Variants in SGCZ observed in about 807,000 individuals in gnomAD.
SGCZ encodes the protein zeta-sarcoglycan.
SGCZ carries 40 observed loss-of-function variants against 41.3 expected under a neutral mutation model. The observed-to-expected ratio is 0.97, with a 90% CI of 0.75 to 1.26. The LOEUF is 1.26. Among genes scored for constraint, SGCZ ranks in the 50% most tolerant of loss-of-function variants. The pLI is 0.00. For synonymous variants in SGCZ, 206 were observed against 137.5 expected (o/e 1.50, Z -3.49); for missense variants, 552 against 369.8 (o/e 1.49, Z -4.04).
chr8:14,910,734 T>C (rs1322630442), intron 1 of SGCZ, among the ~76,000 whole-genome samples: 1 of 151,944 alleles, frequency 6.6e-6, no homozygotes, highest in Non-Finnish European at 1.5e-5. Flanking sequence ...TATATTTTTA[T>C]TATACCTATT....
chr8:15,183,042 G>T (rs1405935777), intron 1 of SGCZ, among the ~76,000 whole-genome samples: 1 of 152,128 alleles, frequency 6.6e-6, no homozygotes, highest in African/African-American at 2.4e-5. Flanking sequence ...CCCGCATCTT[G>T]TCCCACTGGA....
chr8:15,071,509 C>T (rs531074557), intron 1 of SGCZ, among the ~76,000 whole-genome samples: 1 of 152,286 alleles, frequency 6.6e-6, no homozygotes, highest in African/African-American at 2.4e-5. Context: ...GCCTACTTCA[C>T]AGGGCTATGC....
intron 3 of SGCZ, among the ~76,000 whole-genome samples, chr8:14,256,290 T>G (rs1041945043): frequency 6.6e-6 from 1 of 152,112 alleles, no homozygotes; most frequent in South Asian, 2.1e-4. Context: ...GTATGAGACA[T>G]AGATTTTTGC....
At chr8:14,967,704 T>G (rs1451461754) in intron 1 of SGCZ, among the ~76,000 whole-genome samples, 1 of 152,176 alleles carries the variant, frequency 6.6e-6, no homozygotes, top group East Asian at 1.9e-4. Context: ...TTAATTGAAG[T>G]ATATAAGCCC....
In SGCZ at chr8:14,090,517, C is replaced by G; in HGVS notation, c.865G>C (p.Gly289Arg). ...TVYELCVCPN[G>R]KLYLSPAGVG... Reference sequence around the variant, plus strand: ...CCTGCTGGAGAAAGGTAAAGTTTGCCATTGGGGCAGACGCAGAGTTCATAC... The same window carrying G: ...CCTGCTGGAGAAAGGTAAAGTTTGCGATTGGGGCAGACGCAGAGTTCATAC... The change falls in exon 8 of 8, where the codon GGC becomes CGC. Residue 289 changes from glycine (G) to arginine (R), a missense_variant. Transcript: ENST00000382080. 1 of 1,613,018 alleles carries G rather than the reference C, an allele frequency of 6.2e-7. No homozygotes were observed. The highest frequency in any genetic ancestry group is 1.1e-5 in the South Asian group (1 of 91,028).
chr8:14,442,673 T>A (rs1234530766), intron 2 of SGCZ, among the ~76,000 whole-genome samples: 1 of 152,188 alleles, frequency 6.6e-6, no homozygotes, highest in Non-Finnish European at 1.5e-5. Flanking sequence ...GTGATCTCAG[T>A]GATAAAATGC....
intron 1 of SGCZ, among the ~76,000 whole-genome samples, chr8:14,876,163 C>G (rs1804350452): frequency 6.6e-6 from 1 of 152,124 alleles, no homozygotes; most frequent in African/African-American, 2.4e-5. Context: ...AAAGCACTAT[C>G]TCAAGAGCAC....
chr8:14,436,986 A>T (rs1339920690), intron 2 of SGCZ, among the ~76,000 whole-genome samples: 1 of 152,218 alleles, frequency 6.6e-6, no homozygotes, highest in Non-Finnish European at 1.5e-5. Context: ...TTTAAGCAAA[A>T]GCCAGAATTT....
chr8:14,557,309 T>C (rs1008009809), intron 1 of SGCZ, among the ~76,000 whole-genome samples: 1 of 151,876 alleles, frequency 6.6e-6, no homozygotes, highest in East Asian at 1.9e-4. Context: ...TTTGAGTTCC[T>C]AGTAGATTTT....
chr8:14,764,712 A>G (rs1030213181), intron 1 of SGCZ, among the ~76,000 whole-genome samples: 5 of 152,220 alleles, frequency 3.3e-5, no homozygotes, highest in Non-Finnish European at 5.9e-5. Context: ...TACCTTGATT[A>G]GATCCTGGAC....
At chr8:15,188,010 T>C (rs1200909871) in intron 1 of SGCZ, among the ~76,000 whole-genome samples, 3 of 152,044 alleles carry the variant, frequency 2.0e-5, no homozygotes, top group African/African-American at 4.8e-5. Flanking sequence ...TATTGAAACA[T>C]ATATGTAACA....
chr8:14,264,191 G>A (rs1345863206), intron 3 of SGCZ, among the ~76,000 whole-genome samples: 7 of 152,200 alleles, frequency 4.6e-5, no homozygotes, highest in African/African-American at 1.4e-4. Context: ...TAGCATTGCA[G>A]TAGCCATGGT....
intron 1 of SGCZ, among the ~76,000 whole-genome samples, chr8:14,592,850 G>C (rs968944176): frequency 6.6e-6 from 1 of 152,120 alleles, no homozygotes; most frequent in African/African-American, 2.4e-5. Context: ...AGACAGACTA[G>C]AAGACAAACA....
chr8:14,669,944 T>C (rs1585169228), intron 1 of SGCZ, among the ~76,000 whole-genome samples: 1 of 152,196 alleles, frequency 6.6e-6, no homozygotes, highest in Non-Finnish European at 1.5e-5. Context: ...AATGTCCATG[T>C]CTTGTTACAG....
chr8:14,450,121 T>TTTTAGACAGAGA (rs1410123640), intron 2 of SGCZ, among the ~76,000 whole-genome samples: 1 of 152,264 alleles, frequency 6.6e-6, no homozygotes, highest in East Asian at 1.9e-4. Context: ...CTGCCAATCC[T>TTTTAGACAGAGA]TTTAGACAGA....
intron 2 of SGCZ, among the ~76,000 whole-genome samples, chr8:14,457,189 C>T (rs548833313): frequency 3.9e-5 from 6 of 152,316 alleles, no homozygotes; most frequent in South Asian, 2.1e-4. Context: ...TGATAATCCT[C>T]GCTCTATAAT....
At chr8:15,116,325 G>A (rs747686633) in intron 1 of SGCZ, among the ~76,000 whole-genome samples, 9 of 152,150 alleles carry the variant, frequency 5.9e-5, no homozygotes, top group Non-Finnish European at 1.3e-4. Flanking sequence ...GGGTTATTAT[G>A]AACTTTCTGC....
At chr8:15,009,451 C>T (rs543471915) in intron 1 of SGCZ, among the ~76,000 whole-genome samples, 3 of 152,230 alleles carry the variant, frequency 2.0e-5, no homozygotes, top group Admixed American at 2.0e-4. Context: ...GAAATCCAAA[C>T]CGTATCACAT....
At chr8:15,232,194 G>A (rs138967259) in intron 1 of SGCZ, among the ~76,000 whole-genome samples, 13 of 152,130 alleles carry the variant, frequency 8.5e-5, no homozygotes, top group Non-Finnish European at 1.9e-4. Context: ...GAAATTCTGA[G>A]ACAGCATAAG....
Sources: gnomAD v4.1 joint callset for allele counts (sites outside exome capture counted in the v4.1 genomes callset) on GRCh38, gnomAD v4.1.1 for gene constraint, MANE v1.5 for transcripts, NCBI Gene and HGNC (gene_info 2026-07-23, HGNC 2026-07-21) for gene names.